NELL1: variants seen among roughly 807,000 people sequenced by gnomAD.
NELL1 encodes the protein neural EGFL like 1.
In NELL1, 76 loss-of-function variants were observed where a neutral mutation model predicts 107.4. The observed-to-expected ratio is 0.71, with a 90% CI of 0.59 to 0.86. The LOEUF is 0.86. Among genes scored for constraint, NELL1 ranks in the 40% least tolerant of loss-of-function variants. The pLI is 0.00. For synonymous variants in NELL1, 353 were observed against 341.2 expected, an observed-to-expected ratio of 1.03 and a Z score of -0.38; for missense variants, 1,024 against 1,005.5, an observed-to-expected ratio of 1.02 and a Z score of -0.25.
chr11:21,370,786 C>T, intron 14 of NELL1, 67 bp from the exon 15 acceptor site: 1 of 1,239,768 alleles, frequency 8.1e-7, no homozygotes, highest in Middle Eastern at 1.9e-4. Context: ...TTCAGTGCTC[C>T]TGCTGTTTAC....
At chr11:21,304,070 C>T (rs1849555114) in intron 14 of NELL1, among the ~76,000 whole-genome samples, 1 of 152,040 alleles carries the variant, frequency 6.6e-6, no homozygotes, top group South Asian at 2.1e-4. Context: ...TAATTTGCAA[C>T]ATGAATTTCG....
At chr11:21,203,590 T>C (rs752608681) in intron 13 of NELL1, among the ~76,000 whole-genome samples, 1 of 152,194 alleles carries the variant, frequency 6.6e-6, no homozygotes, top group African/African-American at 2.4e-5. Flanking sequence ...TGTCTTTTAA[T>C]TGGGGCATTT....
intron 14 of NELL1, among the ~76,000 whole-genome samples, chr11:21,319,509 TA>T (rs1207496000): frequency 5.6e-5 from 8 of 142,296 alleles, no homozygotes; most frequent in African/African-American, 1.8e-4. Flanking sequence ...TATATATATA[TA>T]TATATATTTT....
At chr11:21,170,287 G>A (rs994650526) in intron 13 of NELL1, 1 of 245,884 alleles carries the variant, frequency 4.1e-6, no homozygotes, top group African/African-American at 2.3e-5. Flanking sequence ...TTTCTTTCAT[G>A]TAGCTCTCTC....
intron 12 of NELL1, among the ~76,000 whole-genome samples, chr11:21,025,018 A>G (rs1050807707): frequency 3.3e-5 from 5 of 152,142 alleles, no homozygotes; most frequent in African/African-American, 1.2e-4. Flanking sequence ...AAGATATTGT[A>G]TAAACCATAC....
At chr11:20,931,438 G>A (rs998492601) in intron 9 of NELL1, among the ~76,000 whole-genome samples, 1 of 152,102 alleles carries the variant, frequency 6.6e-6, no homozygotes, top group Non-Finnish European at 1.5e-5. Flanking sequence ...TATTTACTTT[G>A]GTTGTCCCTT....
At chr11:21,442,107 G>C (rs1366483611) in intron 15 of NELL1, among the ~76,000 whole-genome samples, 3 of 152,132 alleles carry the variant, frequency 2.0e-5, no homozygotes, top group Non-Finnish European at 4.4e-5. Context: ...GAGAAATATA[G>C]TAGACTGATG....
chr11:20,906,291 G>A (rs761648247), intron 5 of NELL1, among the ~76,000 whole-genome samples: 15 of 152,024 alleles, frequency 9.9e-5, no homozygotes, highest in African/African-American at 2.2e-4. Context: ...GAAGAAGACC[G>A]GATCATGAAG....
At chr11:20,888,657 T>C (rs918155243) in intron 5 of NELL1, among the ~76,000 whole-genome samples, 1 of 152,070 alleles carries the variant, frequency 6.6e-6, no homozygotes, top group African/African-American at 2.4e-5. Context: ...ATAGAAATCA[T>C]AGAAAACATA....
chr11:21,445,594 A>G (rs962145172), intron 15 of NELL1, among the ~76,000 whole-genome samples: 4 of 152,172 alleles, frequency 2.6e-5, no homozygotes, highest in African/African-American at 9.7e-5. Flanking sequence ...GGCCTCTGAA[A>G]GCACTGGGAT....
chr11:21,446,656 C>T (rs1293087417), intron 15 of NELL1, among the ~76,000 whole-genome samples: 1 of 152,220 alleles, frequency 6.6e-6, no homozygotes, highest in Non-Finnish European at 1.5e-5. Flanking sequence ...AAAACAGGGT[C>T]TGCTGAGCTG....
At chr11:20,839,334 C>G in intron 3 of NELL1, among the ~76,000 whole-genome samples, 1 of 152,114 alleles carries the variant, frequency 6.6e-6, no homozygotes, top group East Asian at 1.9e-4. Context: ...TAATCTCTTG[C>G]TATATGTTTG....
intron 2 of NELL1, among the ~76,000 whole-genome samples, chr11:20,701,780 G>T (rs536088184): frequency 4.6e-5 from 7 of 152,220 alleles, no homozygotes; most frequent in South Asian, 2.1e-4. Flanking sequence ...TTTCCCCATT[G>T]CTTGTTTTTG....
At chr11:20,937,081 T>C (rs940591357) in intron 9 of NELL1, among the ~76,000 whole-genome samples, 5 of 152,214 alleles carry the variant, frequency 3.3e-5, no homozygotes, top group Non-Finnish European at 5.9e-5. Flanking sequence ...ACATATGCTG[T>C]ACTTGCTTAA....
At chr11:20,843,897 C>G (rs1038184248) in intron 3 of NELL1, among the ~76,000 whole-genome samples, 2 of 152,006 alleles carry the variant, frequency 1.3e-5, no homozygotes, top group Non-Finnish European at 2.9e-5. Flanking sequence ...AAGGGTGGAC[C>G]TTTGAGGAAT....
intron 13 of NELL1, among the ~76,000 whole-genome samples, chr11:21,223,657 ATTGT>A: frequency 1.3e-5 from 2 of 151,828 alleles, no homozygotes; most frequent in Non-Finnish European, 2.9e-5. Context: ...TTCTTCTCTT[ATTGT>A]TTATTTTTGT....
At chr11:21,146,473 A>T (rs1855981171) in intron 13 of NELL1, among the ~76,000 whole-genome samples, 1 of 152,170 alleles carries the variant, frequency 6.6e-6, no homozygotes, top group Admixed American at 6.5e-5. Flanking sequence ...CTGTCATTAT[A>T]GTCGCCTTTA....
At chr11:21,275,350 G>A (rs1165644921) in intron 14 of NELL1, among the ~76,000 whole-genome samples, 1 of 152,154 alleles carries the variant, frequency 6.6e-6, no homozygotes, top group African/African-American at 2.4e-5. Flanking sequence ...ACTAAACCAG[G>A]AAGAAGTTGA....
At chr11:21,506,751 A>G (rs1250471344) in intron 15 of NELL1, among the ~76,000 whole-genome samples, 1 of 152,208 alleles carries the variant, frequency 6.6e-6, no homozygotes, top group Admixed American at 6.5e-5. Context: ...GTCTGAGCAT[A>G]TGACCCTCTC....
Sources: allele counts gnomAD v4.1 joint callset (sites outside exome capture counted in the v4.1 genomes callset), GRCh38; gene constraint gnomAD v4.1.1; transcripts MANE v1.5; gene names NCBI Gene and HGNC (gene_info 2026-07-23, HGNC 2026-07-21).